The following ZSCAN23 variants were observed in gnomAD, a reference collection of about 807,000 sequenced individuals.
The protein encoded by ZSCAN23 is zinc finger and SCAN domain containing 23, also known as zinc finger and SCAN domain-containing protein 23.
Under a neutral mutation model 19.3 loss-of-function variants are expected in ZSCAN23, and 19 were observed. That is an observed-to-expected ratio of 0.99 (90% CI 0.69 to 1.45). ZSCAN23 has a LOEUF of 1.45. Among genes scored for constraint, ZSCAN23 ranks in the 40% most tolerant of loss-of-function variants. The pLI, the probability that ZSCAN23 is intolerant of heterozygous loss-of-function variation, is 0.00. For synonymous variants in ZSCAN23, 140 were observed against 166.2 expected (o/e 0.84, Z 1.21); for missense variants, 372 against 462.5 (o/e 0.80, Z 1.79).
rs1413387297 is a variant in ZSCAN23 at position 28,434,810 on chromosome 6, C to T, written c.825G>A (p.Lys275=). ...GCCCACACTCATCACATTCATAAGG[C>T]TTCTCACCTGTGTGTGTTCTCTGGT... ...IEHQRTHTGE[K]PYECDECGRA... Residue 275 remains lysine (K), a synonymous_variant, in exon 4 of 4, where the codon AAG becomes AAA. Coordinates refer to ENST00000289788, the MANE Select transcript of ZSCAN23 (RefSeq NM_001012455.2). 1.3e-6 allele frequency: 2 copies of T among 1,598,122 alleles called. No homozygotes were observed. The highest frequency in any genetic ancestry group is 2.3e-5 in the South Asian group (2 of 88,868).
At chr6:28,426,374 TC>T in the ZSCAN23 span, among the ~76,000 whole-genome samples, 1 of 152,208 alleles carries the variant, frequency 6.6e-6, no homozygotes, top group Non-Finnish European at 1.5e-5. Context: ...TGGTTTCATT[TC>T]AACACTGTGT....
intron 1 of ZSCAN23, among the ~76,000 whole-genome samples, chr6:28,438,316 C>T (rs570866937): frequency 1.3e-5 from 2 of 152,046 alleles, no homozygotes; most frequent in Non-Finnish European, 2.9e-5. Flanking sequence ...AGGCTGGTCT[C>T]GAACTCCTGA....
At chr6:28,439,014 G>C (rs545564333) in intron 1 of ZSCAN23, among the ~76,000 whole-genome samples, 4 of 151,986 alleles carry the variant, frequency 2.6e-5, no homozygotes, top group African/African-American at 7.2e-5. Context: ...TCTTTGGTTT[G>C]GTTACCTTCT....
At chr6:28,439,200 C>T (rs1048054882) in intron 1 of ZSCAN23, among the ~76,000 whole-genome samples, 2 of 152,012 alleles carry the variant, frequency 1.3e-5, no homozygotes, top group Admixed American at 1.3e-4. Flanking sequence ...ATGATTCTCC[C>T]CTCAGCCTCC....
At position 28,433,453 on chromosome 6, in the gene ZSCAN23, GT is replaced by G. The variant is rs757207701; in HGVS notation, c.*1011del. 2.6e-5 allele frequency: 4 copies of G among 152,066 alleles called. No homozygotes were observed. Among genetic ancestry groups the G allele is most frequent in the Non-Finnish European group, 5.9e-5 (4 of 67,986 alleles). 9.4% of individuals were successfully genotyped at this position (152,066 alleles called of 1,614,324 possible). A position where few individuals can be genotyped will look rare whatever the true frequency, so the allele number is the denominator to read the frequency against. On this transcript the variant is annotated 3_prime_UTR_variant, in exon 4 of 4. Transcript: ENST00000289788. Reference sequence around the variant, plus strand: ...TACTTGCTATGTATTGGGTATTTGGGTGTATTCCAAACCAGATTGTTTTCAC... The same window carrying G: ...TACTTGCTATGTATTGGGTATTTGGGGTATTCCAAACCAGATTGTTTTCAC...
At position 28,434,398 on chromosome 6, in the gene ZSCAN23, C is replaced by T; in HGVS notation, c.*67G>A. On this transcript the variant is annotated 3_prime_UTR_variant, in exon 4 of 4. Transcript: ENST00000289788. ...GAATTTTTACTGGCTTTCCCTTGAA[C>T]TTTTCTATGCTAGAGGACACAGCAG... 6.9e-7 allele frequency: 1 copy of T among 1,449,162 alleles called. No individual in the cohort carries two copies. Among genetic ancestry groups the T allele is most frequent in the Non-Finnish European group, 9.1e-7 (1 of 1,097,146 alleles). The allele number at this position is 1,449,162 out of a possible 1,614,324, so 89.8% of individuals were successfully genotyped here.
Position 28,435,616 on chromosome 6 carries a change from A to G in ZSCAN23, c.409-9T>C. ...TGAGCATGGCTCAGGACCTGGTGGA[A>G]ATCAAGGACAGTTGGGAACCCAATA... On this transcript the variant is annotated splice_polypyrimidine_tract_variant and intron_variant, in intron 2 of 3. Transcript: ENST00000289788. The G allele has an allele frequency of 6.5e-7, 1 of 1,549,666 alleles. No homozygotes were observed. Among genetic ancestry groups the G allele is most frequent in the Admixed American group, 2.0e-5 (1 of 50,618 alleles).
intron 1 of ZSCAN23, among the ~76,000 whole-genome samples, chr6:28,439,723 C>G (rs953363569): frequency 6.6e-6 from 1 of 152,138 alleles, no homozygotes; most frequent in African/African-American, 2.4e-5. Context: ...GAATAAGGTG[C>G]TATTATTACC....
In ZSCAN23 at chr6:28,436,284, AG is replaced by A. The variant is rs1473124950; in HGVS notation, c.-19del. 1 of 1,502,176 alleles carries A rather than the reference AG, an allele frequency of 6.7e-7. No homozygotes were observed. The highest frequency in any genetic ancestry group is 8.9e-7 in the Non-Finnish European group (1 of 1,121,934). 93.1% of individuals were successfully genotyped at this position (1,502,176 alleles called of 1,614,324 possible). A position where few individuals can be genotyped will look rare whatever the true frequency, so the allele number is the denominator to read the frequency against. ...ATGGCCATCAAAGGTTTAACTATTCAGAAAAATAATCTATTCTTGATAATTC... is the reference window on the plus strand; with the variant it reads ...ATGGCCATCAAAGGTTTAACTATTCAAAAAATAATCTATTCTTGATAATTC... On this transcript the variant is annotated 5_prime_UTR_variant, in exon 2 of 4. Transcript: ENST00000289788.
rs1249858613 is a variant in ZSCAN23 at position 28,433,191 on chromosome 6, T to G, written c.*1274A>C. 1 of 152,172 alleles carries G rather than the reference T, an allele frequency of 6.6e-6. No homozygotes were observed. Among genetic ancestry groups the G allele is most frequent in the Non-Finnish European group, 1.5e-5 (1 of 68,000 alleles). 9.4% of individuals were successfully genotyped at this position (152,172 alleles called of 1,614,324 possible). A position where few individuals can be genotyped will look rare whatever the true frequency, so the allele number is the denominator to read the frequency against. ...GGGTTTGTTGAGCAACTTCAGTGAC[T>G]TATAAATCCTATAAATTCCATATAC... On this transcript the variant is annotated 3_prime_UTR_variant, in exon 4 of 4. Coordinates refer to ENST00000289788, the MANE Select transcript of ZSCAN23 (RefSeq NM_001012455.2).
At chr6:28,426,829 G>A in the ZSCAN23 span, among the ~76,000 whole-genome samples, 1 of 152,240 alleles carries the variant, frequency 6.6e-6, no homozygotes, top group Non-Finnish European at 1.5e-5. Flanking sequence ...GTTTGTTTGA[G>A]ACAGAGTTTT....
At chr6:28,441,945 C>T (rs898037915) in intron 1 of ZSCAN23, among the ~76,000 whole-genome samples, 2 of 147,078 alleles carry the variant, frequency 1.4e-5, no homozygotes, top group Admixed American at 6.9e-5. Flanking sequence ...GGTGCGATCT[C>T]GGCTCACTTG....
intron 1 of ZSCAN23, among the ~76,000 whole-genome samples, chr6:28,439,580 G>A (rs1287319928): frequency 1.3e-5 from 2 of 152,138 alleles, no homozygotes; most frequent in African/African-American, 2.4e-5. Flanking sequence ...TTATAACGAA[G>A]TCCCTAGTCT....
At chr6:28,439,258 TG>T (rs1183766547) in intron 1 of ZSCAN23, among the ~76,000 whole-genome samples, 1 of 152,090 alleles carries the variant, frequency 6.6e-6, no homozygotes, top group Admixed American at 6.6e-5. Flanking sequence ...AGCTAATTTT[TG>T]TATTTTTTTG....
the ZSCAN23 span, among the ~76,000 whole-genome samples, chr6:28,422,896 T>C: frequency 1.3e-5 from 2 of 152,238 alleles, no homozygotes; most frequent in Non-Finnish European, 2.9e-5. The surrounding 1 kb of genome is among the most constrained non-coding windows in gnomAD (Gnocchi z 4.0). Flanking sequence ...TCCTAACTTC[T>C]TCTTTGCTAT....
At chr6:28,427,186 T>G (rs1176568761), downstream of ZSCAN23, among the ~76,000 whole-genome samples, 1 of 152,218 alleles carries the variant, frequency 6.6e-6, no homozygotes, top group Non-Finnish European at 1.5e-5. Context: ...AGGGCCCCCT[T>G]GGTACACAAA....
the ZSCAN23 span, among the ~76,000 whole-genome samples, chr6:28,425,309 T>G: frequency 6.6e-6 from 1 of 152,158 alleles, no homozygotes; most frequent in African/African-American, 2.4e-5. Flanking sequence ...CAGAGTAGAT[T>G]TAGCATGATT....
chr6:28,427,603 A>C (rs138553176), downstream of ZSCAN23, among the ~76,000 whole-genome samples: 216 of 152,366 alleles, frequency 1.4e-3, no homozygotes, highest in African/African-American at 5.0e-3. Flanking sequence ...ATATCTAAAC[A>C]CAGAAAAGGT....
Position 28,439,102 on chromosome 6 carries a change from C to CT in ZSCAN23, c.-77-2760dup, listed in dbSNP as rs548029754. 8.0e-3 allele frequency among the ~76,000 whole-genome samples: 1,162 copies of CT among 145,162 alleles called. 5 individuals are homozygous for CT. The highest frequency in any genetic ancestry group is 0.014 in the African/African-American group (577 of 39,984). ...ATCTGCAAATTCATGTTTTCCCCCA[C>CT]TTTTTTTTTTTTTGAGACGGAATCT... On this transcript the variant is annotated intron_variant, in intron 1 of 3. Transcript: ENST00000289788.
Sources: gnomAD v4.1 joint callset for allele counts (sites outside exome capture counted in the v4.1 genomes callset) on GRCh38, gnomAD v4.1.1 for gene constraint, Gnocchi (gnomAD v3.1) non-coding constraint, MANE v1.5 for transcripts, NCBI Gene and HGNC (gene_info 2026-07-23, HGNC 2026-07-21) for gene names.